PBX1: variants seen among roughly 807,000 people sequenced by gnomAD.
PBX1 encodes pre-B-cell leukemia transcription factor 1.
PBX1 carries 6 observed loss-of-function variants against 53.4 expected under a neutral mutation model. The observed-to-expected ratio is 0.11, with a 90% CI of 0.06 to 0.22. The LOEUF (loss-of-function observed/expected upper bound fraction) is 0.22. PBX1 is among the 10% of genes least tolerant of loss of function. PBX1 has a pLI of 1.00. For synonymous variants in PBX1, 204 were observed against 212.3 expected (o/e 0.96, Z 0.34); for missense variants, 251 against 551.4 (o/e 0.46, Z 5.46).
chr1:164,838,678 T>C (rs1044969812), intron 8 of PBX1, among the ~76,000 whole-genome samples: 3 of 152,128 alleles, frequency 2.0e-5, no homozygotes, highest in African/African-American at 7.2e-5. Flanking sequence ...GATCTAGTTT[T>C]CTCTCCTGAG....
intron 2 of PBX1, among the ~76,000 whole-genome samples, chr1:164,583,873 C>T (rs1055265088): frequency 2.6e-5 from 4 of 152,232 alleles, no homozygotes; most frequent in Admixed American, 6.5e-5. Flanking sequence ...AAAACGAAGG[C>T]GCTTTAGGGC....
At chr1:164,752,616 T>C (rs1338988424) in intron 2 of PBX1, among the ~76,000 whole-genome samples, 4 of 152,210 alleles carry the variant, frequency 2.6e-5, no homozygotes, top group African/African-American at 7.2e-5. Context: ...GGGAATAAAG[T>C]GATCTTCTTC....
chr1:164,581,752 A>G (rs1371609117), intron 2 of PBX1, among the ~76,000 whole-genome samples: 2 of 152,248 alleles, frequency 1.3e-5, no homozygotes, highest in Non-Finnish European at 2.9e-5. Flanking sequence ...TAATAGCATC[A>G]TTATTACCAA....
chr1:164,569,564 ATTTTTTTTTT>A (rs71097535), intron 2 of PBX1, among the ~76,000 whole-genome samples: 57 of 78,188 alleles, frequency 7.3e-4, no homozygotes, highest in East Asian at 2.9e-3. Context: ...TTTTCCTTGC[ATTTTTTTTTT>A]TTTTTTTTTT....
intron 3 of PBX1, among the ~76,000 whole-genome samples, chr1:164,793,025 A>T (rs1668597796): frequency 6.6e-6 from 1 of 152,214 alleles, no homozygotes; most frequent in Non-Finnish European, 1.5e-5. Flanking sequence ...GGAACACTCC[A>T]TACCTGGACT....
chr1:164,701,150 C>A (rs928386788), intron 2 of PBX1, among the ~76,000 whole-genome samples: 42 of 151,916 alleles, frequency 2.8e-4, no homozygotes, highest in Admixed American at 1.8e-3. Flanking sequence ...TTTTTTTTCC[C>A]CTGCTAGGAT....
At chr1:164,832,973 T>C (rs1353058479) in intron 8 of PBX1, among the ~76,000 whole-genome samples, 1 of 151,884 alleles carries the variant, frequency 6.6e-6, no homozygotes, top group Admixed American at 6.6e-5. Context: ...TAAAGAACAA[T>C]TAAAAAACAA....
At chr1:164,636,291 A>G (rs1362758294) in intron 2 of PBX1, among the ~76,000 whole-genome samples, 2 of 152,240 alleles carry the variant, frequency 1.3e-5, no homozygotes, top group South Asian at 2.1e-4. Flanking sequence ...AGGATGACTG[A>G]AAGAGTGAGT....
At chr1:164,797,623 T>C (rs140329976) in intron 3 of PBX1, among the ~76,000 whole-genome samples, 22 of 152,008 alleles carry the variant, frequency 1.4e-4, no homozygotes, top group African/African-American at 5.3e-4. Flanking sequence ...AAAAAGGAGG[T>C]ATTTATTACC....
intron 6 of PBX1, 115 bp downstream of exon 6, chr1:164,812,264 T>C (rs1294093588): frequency 1.0e-6 from 1 of 954,274 alleles, no homozygotes; most frequent in Non-Finnish European, 1.5e-6. Flanking sequence ...GGTTAATTTC[T>C]GTATTTGATT....
chr1:164,871,267 A>G (rs1672376412), intron 2 of PBX1, among the ~76,000 whole-genome samples: 1 of 152,224 alleles, frequency 6.6e-6, no homozygotes, highest in Non-Finnish European at 1.5e-5. Flanking sequence ...CTCAGAGAAT[A>G]GAGTGCTTTC....
At position 164,725,462 on chromosome 1, in the gene PBX1, C is replaced by G. The variant is rs9803758; in HGVS notation, c.266-67032C>G. On this transcript the variant is annotated intron_variant, in intron 2 of 8. Coordinates refer to ENST00000420696, the MANE Select transcript of PBX1 (RefSeq NM_002585.4). ...TGTAACCATGTTCTGCACATCAGCT[C>G]TCTTTGCTCCTCTCTTGATCTGCGT... is the stretch of plus-strand genomic sequence containing the variant. Among the ~76,000 whole-genome samples, 961 of 152,160 alleles carry G rather than the reference C, an allele frequency of 6.3e-3. 13 individuals are homozygous for G. The highest frequency in any genetic ancestry group is 0.022 in the African/African-American group (912 of 41,524).
At chr1:164,582,458 T>C (rs1414869722) in intron 2 of PBX1, among the ~76,000 whole-genome samples, 1 of 151,860 alleles carries the variant, frequency 6.6e-6, no homozygotes, top group Non-Finnish European at 1.5e-5. Flanking sequence ...GTTTCGCTCT[T>C]GTTCCCCAGG....
At chr1:164,706,868 G>A (rs1178037295) in intron 2 of PBX1, among the ~76,000 whole-genome samples, 2 of 152,144 alleles carry the variant, frequency 1.3e-5, no homozygotes, top group South Asian at 2.1e-4. Context: ...GAGGCAGCAG[G>A]CATGCAATTA....
chr1:164,576,543 C>A (rs1386220945), intron 2 of PBX1, among the ~76,000 whole-genome samples: 1 of 152,260 alleles, frequency 6.6e-6, no homozygotes, highest in Non-Finnish European at 1.5e-5. Context: ...AGCGCGCGGA[C>A]CGCGAAGCCA....
intron 2 of PBX1, among the ~76,000 whole-genome samples, chr1:164,885,897 C>A (rs1367695806): frequency 6.6e-6 from 1 of 152,106 alleles, no homozygotes; most frequent in Non-Finnish European, 1.5e-5. Flanking sequence ...ACCTAACATA[C>A]TATATAGCAC....
At chr1:164,623,199 G>T (rs749698162) in intron 2 of PBX1, among the ~76,000 whole-genome samples, 3 of 152,074 alleles carry the variant, frequency 2.0e-5, no homozygotes, top group Non-Finnish European at 4.4e-5. Flanking sequence ...GCCCCGCCTC[G>T]TTACACACAA....
intron 2 of PBX1, among the ~76,000 whole-genome samples, chr1:164,724,810 T>A (rs1243404399): frequency 6.6e-6 from 1 of 151,660 alleles, no homozygotes; most frequent in African/African-American, 2.4e-5. Context: ...TCCTTTCTTG[T>A]ATTCCTCTTT....
intron 5 of PBX1, among the ~76,000 whole-genome samples, chr1:164,808,268 G>T (rs1393584930): frequency 1.3e-5 from 2 of 152,150 alleles, no homozygotes; most frequent in Non-Finnish European, 2.9e-5. Flanking sequence ...GGTGGTGTCT[G>T]ATGACTTGGA....
Sources: allele counts gnomAD v4.1 joint callset (sites outside exome capture counted in the v4.1 genomes callset), GRCh38; gene constraint gnomAD v4.1.1; transcripts MANE v1.5; gene names NCBI Gene and HGNC (gene_info 2026-07-23, HGNC 2026-07-21).